The following LARGE1 variants were observed in gnomAD, a reference collection of about 807,000 sequenced individuals.
The protein encoded by LARGE1 is xylosyl- and glucuronyltransferase LARGE1.
LARGE1 carries 43 observed loss-of-function variants against 87.6 expected under a neutral mutation model. The observed-to-expected ratio is 0.49, with a 90% CI of 0.38 to 0.63. The LOEUF (loss-of-function observed/expected upper bound fraction) is 0.63. LARGE1 is among the 30% of genes least tolerant of loss of function. LARGE1 has a pLI of 0.00. For synonymous variants in LARGE1, 434 were observed against 394.6 expected (o/e 1.10, Z -1.18); for missense variants, 802 against 1,000.2 (o/e 0.80, Z 2.67).
rs535778872 is a variant in LARGE1, at chr22:33,446,647, A to T, written c.788-14382T>A. ...CTGAGACAAATAGATGGAGGAGCAGATGGCGAGGGAGACGAGGCTGAAGCC... is the reference window on the plus strand; with the variant it reads ...CTGAGACAAATAGATGGAGGAGCAGTTGGCGAGGGAGACGAGGCTGAAGCC... On this transcript the variant is annotated intron_variant, in intron 6 of 14. Coordinates refer to ENST00000397394, the MANE Select transcript of LARGE1 (RefSeq NM_133642.5). Among the ~76,000 whole-genome samples the T allele has an allele frequency of 2.0e-4, 30 of 152,334 alleles. 1 individual carries two copies. The South Asian group carries it at 5.6e-3, about 28-fold the overall frequency.
intron 11 of LARGE1, among the ~76,000 whole-genome samples, chr22:33,310,039 A>G (rs1219565206): frequency 6.6e-6 from 1 of 152,180 alleles, no homozygotes; most frequent in East Asian, 1.9e-4. Context: ...GTGCTTTCAA[A>G]TGTAAGCTTC....
chr22:33,117,451 T>A, the LARGE1 span, among the ~76,000 whole-genome samples: 102 of 128,008 alleles, frequency 8.0e-4, 3 homozygotes, highest in East Asian at 0.021. Context: ...TTTTTTTTTT[T>A]AACATGTGAG....
rs146628593 is a variant in LARGE1 at position 33,390,046 on chromosome 22, T to C, written c.893-5742A>G. Among the ~76,000 whole-genome samples, 909 of 152,334 alleles carry C rather than the reference T, an allele frequency of 6.0e-3. 7 individuals are homozygous for C. The highest frequency in any genetic ancestry group is 0.02 in the African/African-American group (834 of 41,578). ...TTCTCGCCATAATTTAATTTTCTTT[T>C]CTTTCATCAGACCACTTCATCCAGG... On this transcript the variant is annotated intron_variant, in intron 7 of 14. Coordinates refer to ENST00000397394, the MANE Select transcript of LARGE1 (RefSeq NM_133642.5).
chr22:33,393,095 A>T (rs770673639), intron 7 of LARGE1, among the ~76,000 whole-genome samples: 29 of 152,358 alleles, frequency 1.9e-4, no homozygotes, highest in Non-Finnish European at 3.4e-4. Context: ...ATGAGCTTAA[A>T]TTATATTCTT....
intron 9 of LARGE1, among the ~76,000 whole-genome samples, chr22:33,359,627 G>T (rs375139589): frequency 1.4e-5 from 2 of 146,492 alleles, no homozygotes; most frequent in African/African-American, 5.1e-5. Flanking sequence ...TCAGTGGCGC[G>T]ATCTTGGCTC....
chr22:33,100,902 C>T, the LARGE1 span, among the ~76,000 whole-genome samples: 14 of 150,004 alleles, frequency 9.3e-5, no homozygotes, highest in Admixed American at 6.7e-4. Flanking sequence ...TGCAATGGTG[C>T]GATCTCGGCT....
chr22:33,660,847 G>A (rs528147194), intron 2 of LARGE1, among the ~76,000 whole-genome samples: 1 of 152,244 alleles, frequency 6.6e-6, no homozygotes, highest in African/African-American at 2.4e-5. Context: ...GATTTCATAA[G>A]TGTTTTTTCC....
At chr22:33,391,204 G>C (rs930521438) in intron 7 of LARGE1, among the ~76,000 whole-genome samples, 2 of 152,056 alleles carry the variant, frequency 1.3e-5, no homozygotes, top group Non-Finnish European at 2.9e-5. Flanking sequence ...TTTCGTCTAT[G>C]ATTCATTTCA....
At chr22:33,919,281 T>C (rs923844697) in intron 1 of LARGE1, among the ~76,000 whole-genome samples, 1 of 151,046 alleles carries the variant, frequency 6.6e-6, no homozygotes. Context: ...ACAACTGAGG[T>C]TCCTTAAGAG....
intron 11 of LARGE1, among the ~76,000 whole-genome samples, chr22:33,206,931 T>A (rs1206605258): frequency 1.3e-5 from 2 of 152,254 alleles, no homozygotes; most frequent in East Asian, 3.8e-4. Flanking sequence ...TAGTCCAGTT[T>A]AAAATTTTAT....
At chr22:33,839,804 G>A (rs562288969) in intron 1 of LARGE1, among the ~76,000 whole-genome samples, 2 of 152,242 alleles carry the variant, frequency 1.3e-5, no homozygotes, top group Non-Finnish European at 2.9e-5. Context: ...TACCAGGTAT[G>A]AGGCACTTTG....
At chr22:33,461,147 T>C (rs1285311496) in intron 6 of LARGE1, among the ~76,000 whole-genome samples, 15 of 152,182 alleles carry the variant, frequency 9.9e-5, no homozygotes, top group Admixed American at 9.8e-4. Context: ...CTGTTTAATA[T>C]ATTTCAAGAA....
intron 11 of LARGE1, among the ~76,000 whole-genome samples, chr22:33,263,330 C>T (rs1037527271): frequency 4.6e-5 from 7 of 152,188 alleles, no homozygotes; most frequent in Non-Finnish European, 7.3e-5. Flanking sequence ...CCTGGGAATA[C>T]GATGGGATAT....
chr22:33,609,029 C>T (rs958557309), intron 4 of LARGE1, among the ~76,000 whole-genome samples: 2 of 152,196 alleles, frequency 1.3e-5, no homozygotes, highest in East Asian at 3.8e-4. Context: ...ACTACTTTTG[C>T]ATCGCGTTTT....
intron 2 of LARGE1, among the ~76,000 whole-genome samples, chr22:33,744,595 A>G (rs1278987405): frequency 6.6e-6 from 1 of 152,146 alleles, no homozygotes; most frequent in Admixed American, 6.5e-5. Flanking sequence ...CTCTGGCCCT[A>G]CAGGGCCCTA....
the LARGE1 span, among the ~76,000 whole-genome samples, chr22:33,091,369 T>C: frequency 6.6e-6 from 1 of 152,100 alleles, no homozygotes; most frequent in African/African-American, 2.4e-5. Context: ...AAGACCAGCC[T>C]GACCAACATG....
intron 1 of LARGE1, among the ~76,000 whole-genome samples, chr22:33,801,158 C>A (rs1320479415): frequency 2.0e-5 from 3 of 152,180 alleles, no homozygotes; most frequent in African/African-American, 7.2e-5. Context: ...GTGCCTTTTG[C>A]CTCGCACCAT....
chr22:33,274,560 T>C lies in LARGE1; in HGVS notation c.2138A>G (p.Asp713Gly). 1 of 1,614,010 alleles carries C rather than the reference T, an allele frequency of 6.2e-7. No homozygotes were observed. The highest frequency in any genetic ancestry group is 8.5e-7 in the Non-Finnish European group (1 of 1,179,994). Reference protein sequence around the residue: ...MIHMPHAPSFDITKFRSNKQY... With the variant: ...MIHMPHAPSFGITKFRSNKQY... ...CTTGTTGGAACGGAACTTGGTAATG[T>C]CGAAGCTGGGGGCATGAGGCATGTG... is the stretch of plus-strand genomic sequence containing the variant. Residue 713 changes from aspartate (D) to glycine (G), a missense_variant, in exon 15 of 15, where the codon GAC becomes GGC. Coordinates refer to ENST00000397394, the MANE Select transcript of LARGE1 (RefSeq NM_133642.5).
chr22:33,396,349 T>C (rs1208503813), intron 7 of LARGE1, among the ~76,000 whole-genome samples: 1 of 149,584 alleles, frequency 6.7e-6, no homozygotes, highest in African/African-American at 2.6e-5. Flanking sequence ...TACCTGGGAC[T>C]CACTTTTGAT....
Sources: allele counts gnomAD v4.1 joint callset (sites outside exome capture counted in the v4.1 genomes callset), GRCh38; gene constraint gnomAD v4.1.1; transcripts MANE v1.5; gene names NCBI Gene and HGNC (gene_info 2026-07-23, HGNC 2026-07-21).